The following USH2A variants were observed in gnomAD, a reference collection of about 807,000 sequenced individuals.
USH2A encodes the protein Usher syndrome 2A (autosomal recessive, mild).
In USH2A, 443 loss-of-function variants were observed where a neutral mutation model predicts 538.9. The observed-to-expected ratio is 0.82, with a 90% confidence interval of 0.76 to 0.89. USH2A has a LOEUF of 0.89. Among genes scored for constraint, USH2A ranks in the 40% least tolerant of loss-of-function variants. The pLI, the probability that USH2A is intolerant of heterozygous loss-of-function variation, is 0.00. For synonymous variants in USH2A, 2,413 were observed against 2,273.5 expected (o/e 1.06, Z -1.75); for missense variants, 6,633 against 6,324.8 (o/e 1.05, Z -1.65).
At chr1:215,644,516 GGAA>G (rs1190236748) in intron 67 of USH2A, among the ~76,000 whole-genome samples, 3 of 152,078 alleles carry the variant, frequency 2.0e-5, no homozygotes, top group Admixed American at 6.5e-5. Context: ...TTTGGGCAGC[GGAA>G]GAAGATCAAC....
Position 216,257,562 on chromosome 1 carries a change from G to A in USH2A, c.1972-6464C>T, listed in dbSNP as rs1199516364. On this transcript the variant is annotated intron_variant, in intron 11 of 71. Coordinates refer to ENST00000307340, the MANE Select transcript of USH2A (RefSeq NM_206933.4). ...TTTTTAGTTTTCTTGAGATTCATGG[G>A]TTTGTGGCTTTATGGTTTTCAGTGT... 3.3e-5 allele frequency among the ~76,000 whole-genome samples: 5 copies of A among 151,742 alleles called. No homozygotes were observed. In the South Asian group the frequency reaches 8.3e-4, roughly 25 times the overall value.
At chr1:216,191,902 T>C (rs1327766257) in intron 19 of USH2A, among the ~76,000 whole-genome samples, 1 of 152,074 alleles carries the variant, frequency 6.6e-6, no homozygotes, top group Non-Finnish European at 1.5e-5. Flanking sequence ...TCTACACTAA[T>C]ATTTATTTTG....
At chr1:215,799,219 A>C in intron 49 of USH2A, 94 bp from the exon 50 acceptor site, 1 of 1,341,378 alleles carries the variant, frequency 7.5e-7, no homozygotes, top group Non-Finnish European at 1.0e-6. Flanking sequence ...TGCAGATCCC[A>C]ACTGATTGAC....
chr1:215,989,924 T>C (rs1287839307), intron 35 of USH2A, among the ~76,000 whole-genome samples: 1 of 152,174 alleles, frequency 6.6e-6, no homozygotes, highest in Admixed American at 6.5e-5. Flanking sequence ...AGTGGAAGAT[T>C]CTGATTATTT....
At chr1:216,311,118 A>T (rs1427634328) in intron 9 of USH2A, among the ~76,000 whole-genome samples, 1 of 152,236 alleles carries the variant, frequency 6.6e-6, no homozygotes, top group Admixed American at 6.5e-5. Flanking sequence ...GCTGCTAAGC[A>T]GCTACTCTGA....
intron 32 of USH2A, among the ~76,000 whole-genome samples, chr1:216,018,223 A>T (rs773196401): frequency 2.1e-4 from 32 of 152,218 alleles, no homozygotes; most frequent in Non-Finnish European, 3.7e-4. Context: ...AAGGGAGAAG[A>T]TGGCACACTG....
At chr1:215,935,133 G>A (rs1304873192) in intron 37 of USH2A, among the ~76,000 whole-genome samples, 1 of 152,032 alleles carries the variant, frequency 6.6e-6, no homozygotes, top group Non-Finnish European at 1.5e-5. Context: ...ATTACTTGAT[G>A]AGTTGTTTAT....
At chr1:215,797,511 G>A (rs1662180410) in intron 50 of USH2A, among the ~76,000 whole-genome samples, 1 of 152,098 alleles carries the variant, frequency 6.6e-6, no homozygotes, top group Non-Finnish European at 1.5e-5. Context: ...CTGCTGGGGG[G>A]CTAAAGCAGC....
intron 37 of USH2A, among the ~76,000 whole-genome samples, chr1:215,949,516 A>G (rs1465831438): frequency 6.6e-6 from 1 of 152,102 alleles, no homozygotes; most frequent in African/African-American, 2.4e-5. Context: ...TTTACCCATA[A>G]GATACAAATG....
intron 46 of USH2A, among the ~76,000 whole-genome samples, chr1:215,842,097 G>C (rs1427802274): frequency 6.6e-6 from 1 of 152,200 alleles, no homozygotes; most frequent in Admixed American, 6.6e-5. Context: ...GCTTAGGCAG[G>C]TGGATCACCT....
intron 32 of USH2A, among the ~76,000 whole-genome samples, chr1:216,043,875 GTCTTAGTT>G (rs2030404452): frequency 6.6e-6 from 1 of 152,050 alleles, no homozygotes; most frequent in Admixed American, 6.6e-5. Context: ...CATGGAAGGG[GTCTTAGTT>G]TCTCTTCCCC....
Position 216,422,247 on chromosome 1 carries a change from C to T in USH2A, c.90G>A (p.Leu30=). ...TTGGGAAAAGACCTCGTGACTCAGT[C>T]AAGGATATTGAAGCAAAATAGGCAA... The part of the protein sequence containing the change: ...LIFAYFASIS[L]TESRGLFPRL... Residue 30 remains leucine (L), a synonymous_variant, in exon 2 of 72, where the codon TTG becomes TTA. Transcript: ENST00000307340. 1.2e-6 allele frequency: 2 copies of T among 1,613,464 alleles called. No homozygotes were observed. The highest frequency in any genetic ancestry group is 1.7e-6 in the Non-Finnish European group (2 of 1,179,790).
intron 14 of USH2A, among the ~76,000 whole-genome samples, chr1:216,230,576 GT>G (rs2035657369): frequency 6.6e-6 from 1 of 152,098 alleles, no homozygotes; most frequent in African/African-American, 2.4e-5. Flanking sequence ...AAATGAACTA[GT>G]TTAAGTTCTT....
chr1:216,258,938 G>A (rs1325776621), intron 11 of USH2A, among the ~76,000 whole-genome samples: 1 of 152,052 alleles, frequency 6.6e-6, no homozygotes, highest in Non-Finnish European at 1.5e-5. Flanking sequence ...GCTGCATTGG[G>A]AAACATTTAT....
chr1:215,718,990 G>A (rs536341995), intron 61 of USH2A, among the ~76,000 whole-genome samples: 81 of 152,302 alleles, frequency 5.3e-4, no homozygotes, highest in African/African-American at 1.8e-3. Flanking sequence ...GTTGGTTAAA[G>A]GCCAGAAAAT....
intron 11 of USH2A, among the ~76,000 whole-genome samples, chr1:216,280,392 CA>C (rs2036751113): frequency 1.3e-5 from 2 of 149,660 alleles, no homozygotes; most frequent in Admixed American, 6.6e-5. Context: ...CTCAAAAATA[CA>C]GACAAAAGAA....
intron 8 of USH2A, 91 bp downstream of exon 8, chr1:216,323,383 C>G (rs929042653): frequency 1.5e-6 from 2 of 1,293,392 alleles, no homozygotes; most frequent in African/African-American, 1.5e-5. Context: ...AAATGTAAAG[C>G]TTGAAATCTG....
intron 22 of USH2A, 52 bp from the exon 23 acceptor site, chr1:216,089,191 A>ATGTGTGTGTTTATTTGTAG: frequency 1.3e-6 from 2 of 1,564,948 alleles, no homozygotes; most frequent in Non-Finnish European, 1.8e-6. Flanking sequence ...ATCTACAAAT[A>ATGTGTGTGTTTATTTGTAG]AACACACACA....
Position 216,418,454 on chromosome 1 carries a change from G to C in USH2A, c.651+60C>G, listed in dbSNP as rs1571801426. ...TTGTGAGTAGATGCCATTTAAAAGAGAGAAAGGAAGACAAATCCTTGTGTT... is the reference window on the plus strand; with the variant it reads ...TTGTGAGTAGATGCCATTTAAAAGACAGAAAGGAAGACAAATCCTTGTGTT... On this transcript the variant is annotated intron_variant, in intron 3 of 71. Coordinates refer to ENST00000307340, the MANE Select transcript of USH2A (RefSeq NM_206933.4). The C allele has an allele frequency of 1.0e-5, 16 of 1,590,830 alleles. 1 individual carries two copies. The South Asian group carries it at 1.7e-4, about 17-fold the overall frequency.
Sources: gnomAD v4.1 joint callset for allele counts (sites outside exome capture counted in the v4.1 genomes callset) on GRCh38, gnomAD v4.1.1 for gene constraint, MANE v1.5 for transcripts, NCBI Gene and HGNC (gene_info 2026-07-23, HGNC 2026-07-21) for gene names.